Variants in DGLUCY observed in about 807,000 individuals in gnomAD.
DGLUCY encodes the protein D-glutamate cyclase, mitochondrial.
In DGLUCY, 58 loss-of-function variants were observed where a neutral mutation model predicts 58.5. That is an observed-to-expected ratio of 0.99 (90% CI 0.80 to 1.23). DGLUCY has a LOEUF of 1.23. Ranked by LOEUF, DGLUCY falls within the 50% of genes most tolerant of loss-of-function variation. The pLI is 0.00. For missense variants in DGLUCY, 779 were observed against 784.7 expected (o/e 0.99, Z 0.09); for synonymous variants, 325 against 314.1 (o/e 1.03, Z -0.37).
intron 1 of DGLUCY, among the ~76,000 whole-genome samples, chr14:91,077,909 T>C (rs1473454505): frequency 6.6e-6 from 1 of 151,534 alleles, no homozygotes; most frequent in Admixed American, 6.6e-5. Context: ...GTTCCAATCA[T>C]ATTAACTAAC....
chr14:91,107,453 G>T (rs543531957), upstream of DGLUCY, among the ~76,000 whole-genome samples: 1 of 152,214 alleles, frequency 6.6e-6, no homozygotes, highest in Non-Finnish European at 1.5e-5. Flanking sequence ...AGGAGGCAGA[G>T]GTTGCAGTGA....
upstream of DGLUCY, among the ~76,000 whole-genome samples, chr14:91,112,179 G>A (rs2044714168): frequency 6.6e-6 from 1 of 151,802 alleles, no homozygotes; most frequent in African/African-American, 2.4e-5. Context: ...AACCCAGGAG[G>A]CGAAGATTGC....
chr14:91,061,325 T>G (rs934426690), intron 1 of DGLUCY, among the ~76,000 whole-genome samples: 3 of 152,182 alleles, frequency 2.0e-5, no homozygotes, highest in Non-Finnish European at 4.4e-5. Context: ...CAGCTCCCGA[T>G]GAGGAATTTT....
intron 1 of DGLUCY, among the ~76,000 whole-genome samples, chr14:91,122,099 T>C (rs1325680523): frequency 6.6e-6 from 1 of 152,162 alleles, no homozygotes; most frequent in Non-Finnish European, 1.5e-5. Context: ...ATGATATCTT[T>C]TTTTTTTCTC....
intron 1 of DGLUCY, among the ~76,000 whole-genome samples, chr14:91,102,787 T>TGTGTGTTTGAGAC (rs1159135941): frequency 2.7e-5 from 1 of 36,976 alleles, no homozygotes; most frequent in Admixed American, 2.7e-4. Flanking sequence ...GTGTGTGTGT[T>TGTGTGTTTGAGAC]TGAGACTGAG....
At chr14:91,093,579 G>GT (rs2044347327) in intron 1 of DGLUCY, among the ~76,000 whole-genome samples, 1 of 152,052 alleles carries the variant, frequency 6.6e-6, no homozygotes, top group Admixed American at 6.6e-5. Context: ...GCCAAGGTGG[G>GT]TGGATTGCTT....
At chr14:91,111,172 C>A (rs1336555821), upstream of DGLUCY, among the ~76,000 whole-genome samples, 1 of 146,790 alleles carries the variant, frequency 6.8e-6, no homozygotes, top group Non-Finnish European at 1.5e-5. Context: ...ATATGTTTGG[C>A]GAGGGCCCCT....
intron 1 of DGLUCY, among the ~76,000 whole-genome samples, chr14:91,144,514 G>A (rs142379254): frequency 3.3e-4 from 50 of 152,230 alleles, no homozygotes; most frequent in African/African-American, 1.2e-3. Context: ...GAGCTGAGAT[G>A]ACACTACTGC....
intron 5 of DGLUCY, among the ~76,000 whole-genome samples, chr14:91,172,750 C>T (rs948776930): frequency 7.9e-5 from 12 of 151,576 alleles, no homozygotes; most frequent in African/African-American, 2.7e-4. Flanking sequence ...GGGTTCAAGC[C>T]GTTCTCCTGC....
chr14:91,175,768 T>C (rs1487028970), intron 6 of DGLUCY, 166 bp from the exon 7 acceptor site: 2 of 659,588 alleles, frequency 3.0e-6, no homozygotes, highest in Non-Finnish European at 5.0e-6. Context: ...GTAGCCTGAG[T>C]TGTCAAAGCC....
intron 3 of DGLUCY, 84 bp from the exon 4 acceptor site, chr14:91,167,141 A>G (rs2048327713): frequency 1.0e-6 from 1 of 1,002,754 alleles, no homozygotes; most frequent in Admixed American, 3.3e-5. Flanking sequence ...CTCCGCCTCA[A>G]AAAAAAAAAA....
chr14:91,124,145 C>G (rs2045548864), intron 1 of DGLUCY, among the ~76,000 whole-genome samples: 2 of 151,720 alleles, frequency 1.3e-5, no homozygotes, highest in African/African-American at 4.8e-5. Context: ...CTGGGATGGT[C>G]TCGATCTCCT....
At chr14:91,151,101 A>T (rs1228260555) in intron 1 of DGLUCY, among the ~76,000 whole-genome samples, 2 of 152,264 alleles carry the variant, frequency 1.3e-5, no homozygotes, top group Non-Finnish European at 2.9e-5. Flanking sequence ...TTCAGTTTGC[A>T]TAACGTGCTC....
At chr14:91,214,283 TC>T (rs1472829512) in intron 12 of DGLUCY, among the ~76,000 whole-genome samples, 10 of 152,184 alleles carry the variant, frequency 6.6e-5, no homozygotes, top group Non-Finnish European at 1.5e-4. Flanking sequence ...TTCGTGGTGC[TC>T]TAGCACTTAT....
chr14:91,175,539 G>A (rs1595842662), intron 6 of DGLUCY, among the ~76,000 whole-genome samples: 2 of 152,046 alleles, frequency 1.3e-5, no homozygotes, highest in East Asian at 1.9e-4. Flanking sequence ...TGCTGTCTTC[G>A]GGATTAGGTT....
intron 11 of DGLUCY, among the ~76,000 whole-genome samples, chr14:91,202,989 C>T (rs556742880): frequency 1.1e-4 from 17 of 152,306 alleles, no homozygotes. Flanking sequence ...GGGCAACTGC[C>T]ATGTCATGGG....
At chr14:91,148,695 C>A (rs879450606) in intron 1 of DGLUCY, 1 of 152,088 alleles carries the variant, frequency 6.6e-6, no homozygotes, top group African/African-American at 2.4e-5. Flanking sequence ...CCTGTAACCC[C>A]AGCACTTTGG....
chr14:91,074,306 A>ATATAT (rs1363113689), intron 1 of DGLUCY, among the ~76,000 whole-genome samples: 2 of 143,294 alleles, frequency 1.4e-5, no homozygotes, highest in African/African-American at 5.2e-5. Context: ...AAAAAAAAAA[A>ATATAT]AAAAAAATAT....
At chr14:91,157,114 G>GATGT (rs2047672433) in intron 1 of DGLUCY, among the ~76,000 whole-genome samples, 1 of 138,368 alleles carries the variant, frequency 7.2e-6, no homozygotes, top group Non-Finnish European at 1.6e-5. Flanking sequence ...TGGATGGATG[G>GATGT]ATGGGTGGAT....
Sources: allele counts gnomAD v4.1 joint callset (sites outside exome capture counted in the v4.1 genomes callset), GRCh38; gene constraint gnomAD v4.1.1; transcripts MANE v1.5; gene names NCBI Gene and HGNC (gene_info 2026-07-23, HGNC 2026-07-21).